DNM1L: variants seen among roughly 807,000 people sequenced by gnomAD.
The protein encoded by DNM1L is dynamin-1-like protein.
DNM1L carries 33 observed loss-of-function variants against 92.8 expected under a neutral mutation model. That is an observed-to-expected ratio of 0.36 (90% CI 0.27 to 0.48). The LOEUF (loss-of-function observed/expected upper bound fraction) is 0.48. Ranked by LOEUF, DNM1L falls within the 20% of genes least tolerant of loss-of-function variation. DNM1L has a pLI of 0.99. For synonymous variants in DNM1L, 284 were observed against 305.0 expected (o/e 0.93, Z 0.72); for missense variants, 485 against 888.8 (o/e 0.55, Z 5.78).
chr12:32,715,562 A>T (rs1334550664), intron 6 of DNM1L, among the ~76,000 whole-genome samples: 1 of 151,892 alleles, frequency 6.6e-6, no homozygotes, highest in African/African-American at 2.4e-5. Flanking sequence ...GTGAAACCCC[A>T]TCTCTCTAAA....
In DNM1L at chr12:32,731,863, C is replaced by T. The variant is rs929544837; in HGVS notation, c.1366C>T (p.Arg456Ter). ...CATCTACCATTTGTAGGAATTGTTA[C>T]GATTTCCTAAACTTCATGATGCCAT... Reference protein sequence around the residue: ...CSNYSTQELLRFPKLHDAIVE... With the variant: ...CSNYSTQELL The change falls in exon 12 of 20, where the codon CGA becomes TGA. Residue 456 changes from arginine to a stop codon, truncating the protein, a stop_gained. Coordinates refer to ENST00000549701, the MANE Select transcript of DNM1L (RefSeq NM_012062.5). LOFTEE classifies it high-confidence loss of function. The surrounding 1 kb of genome is among the most constrained non-coding windows in gnomAD (Gnocchi z 5.1). 2 of 1,611,946 alleles carry T rather than the reference C, an allele frequency of 1.2e-6. No homozygotes were observed. Among genetic ancestry groups the T allele is most frequent in the Non-Finnish European group, 1.7e-6 (2 of 1,178,600 alleles).
At chr12:32,738,372 G>A in intron 16 of DNM1L, 76 bp downstream of exon 16, 1 of 1,500,718 alleles carries the variant, frequency 6.7e-7, no homozygotes, top group Non-Finnish European at 9.3e-7. Flanking sequence ...CACCATTAAA[G>A]AACCTGTTTG....
intron 2 of DNM1L, among the ~76,000 whole-genome samples, chr12:32,705,000 GTTTT>G (rs35375744): frequency 1.7e-5 from 2 of 118,876 alleles, no homozygotes; most frequent in Admixed American, 8.9e-5. Flanking sequence ...CTCAGGCAAA[GTTTT>G]TTTTTTTTTT....
At chr12:32,729,811 T>G (rs968108796) in intron 9 of DNM1L, among the ~76,000 whole-genome samples, 3 of 152,210 alleles carry the variant, frequency 2.0e-5, no homozygotes, top group Non-Finnish European at 4.4e-5. Context: ...TCATATAAAT[T>G]GAATCATTCA....
intron 9 of DNM1L, chr12:32,727,306 G>C (rs1027175145): frequency 4.0e-6 from 4 of 988,396 alleles, no homozygotes; most frequent in Non-Finnish European, 6.6e-6. Flanking sequence ...CCTTTAACTT[G>C]CAGGTTTTTG....
intron 6 of DNM1L, among the ~76,000 whole-genome samples, chr12:32,715,009 A>G (rs562942088): frequency 2.6e-5 from 4 of 152,168 alleles, no homozygotes; most frequent in African/African-American, 9.6e-5. Flanking sequence ...AAAACAAACA[A>G]AAACCTGTTA....
In DNM1L at chr12:32,718,144, GTA is replaced by G. The variant is rs927057805; in HGVS notation, c.620-487_620-486del. Among the ~76,000 whole-genome samples the G allele has an allele frequency of 1.5e-4, 20 of 134,810 alleles. No individual in the cohort carries two copies. The East Asian group carries it at 3.9e-3, about 26-fold the overall frequency. The allele number at this position is 134,810 out of a possible 152,430, so 88.4% of individuals were successfully genotyped here. ...ATAGTATATATATTTTATATGTATAGTATATATATATATTTTAGATGGAGTCC... is the reference window on the plus strand; with the variant it reads ...ATAGTATATATATTTTATATGTATAGTATATATATATTTTAGATGGAGTCC... On this transcript the variant is annotated intron_variant, in intron 6 of 19. Transcript: ENST00000549701.
chr12:32,679,847 G>T, intron 1 of DNM1L: 1 of 998,386 alleles, frequency 1.0e-6, no homozygotes, highest in Middle Eastern at 5.0e-4. Flanking sequence ...CGGGGCACTC[G>T]GGTCTCGCTG....
rs1412594768 is a variant in DNM1L, at chr12:32,740,214, G to A, written c.1858G>A (p.Gly620Ser). ...AATTATGCCAGCCAGTCCACAAAAA[G>A]GTCATGCCGTGAACCTGCTAGATGT... ...IPIMPASPQK[G>S]HAVNLLDVPV... The change falls in exon 17 of 20, where the codon GGT (glycine) becomes AGT (serine). Residue 620 changes from glycine (G) to serine (S), a missense_variant. Gly to Ser is a moderately conservative substitution (Grantham distance 56). Transcript: ENST00000549701. 1.9e-6 allele frequency: 3 copies of A among 1,614,080 alleles called. No individual in the cohort carries two copies. Among genetic ancestry groups the A allele is most frequent in the Non-Finnish European group, 2.5e-6 (3 of 1,179,998 alleles).
In DNM1L at chr12:32,731,337, C is replaced by G. The variant is rs369540120; in HGVS notation, c.1201-19C>G. ...TGAAATTACATATATAATAAGAGTT[C>G]TAAGTTTTATTTTCTCAGGGTCCTC... On this transcript the variant is annotated intron_variant, in intron 10 of 19. Transcript: ENST00000549701. This position sits in a 1 kb window ranked among gnomAD's most constrained non-coding sequence, Gnocchi z 5.1. 6 of 1,613,898 alleles carry G rather than the reference C, an allele frequency of 3.7e-6. No individual in the cohort carries two copies. The highest frequency in any genetic ancestry group is 3.4e-6 in the Non-Finnish European group (4 of 1,179,984).
At chr12:32,730,980 A>C (rs1473336822) in intron 9 of DNM1L, 34 bp from the exon 10 acceptor site, 2 of 1,612,538 alleles carry the variant, frequency 1.2e-6, no homozygotes, top group Non-Finnish European at 1.7e-6. Flanking sequence ...CCCTTTTTGC[A>C]ATGCCAGAAA....
At chr12:32,724,115 TAC>T (rs1953949385) in intron 9 of DNM1L, among the ~76,000 whole-genome samples, 1 of 152,240 alleles carries the variant, frequency 6.6e-6, no homozygotes, top group Non-Finnish European at 1.5e-5. Context: ...AATGTGGCAC[TAC>T]AGTCTGAAAT....
intron 1 of DNM1L, among the ~76,000 whole-genome samples, chr12:32,681,643 C>G (rs1246949708): frequency 1.5e-5 from 2 of 132,642 alleles, no homozygotes; most frequent in Non-Finnish European, 3.1e-5. Flanking sequence ...AAACAAGAAT[C>G]TCTTCTTGGT....
intron 6 of DNM1L, among the ~76,000 whole-genome samples, chr12:32,717,448 A>G (rs1224921057): frequency 1.0e-5 from 1 of 97,982 alleles, no homozygotes; most frequent in African/African-American, 4.6e-5. Context: ...TTAAATATAT[A>G]CTATATATAT....
At chr12:32,691,736 T>A (rs7969209) in intron 1 of DNM1L, among the ~76,000 whole-genome samples, 23,365 of 151,860 alleles carry the variant, frequency 0.15, 1,899 homozygotes, top group Middle Eastern at 0.21. Context: ...TGAAGGTGAG[T>A]GCTAAGAGAG....
At chr12:32,710,601 A>G (rs1358620201) in intron 4 of DNM1L, among the ~76,000 whole-genome samples, 3 of 150,274 alleles carry the variant, frequency 2.0e-5, no homozygotes, top group African/African-American at 7.4e-5. Context: ...CCTGTGTGAC[A>G]GAGTGAGACC....
intron 1 of DNM1L, 130 bp from the exon 2 acceptor site, chr12:32,701,285 A>C: frequency 1.2e-6 from 1 of 850,354 alleles, no homozygotes; most frequent in East Asian, 2.8e-5. Context: ...TCAAAAAAAA[A>C]AAAAAATAGT....
intron 9 of DNM1L, 57 bp downstream of exon 9, chr12:32,722,690 T>G: frequency 7.4e-7 from 1 of 1,353,098 alleles, no homozygotes; most frequent in Non-Finnish European, 1.0e-6. Flanking sequence ...TCACTTTTCC[T>G]TTTGTGAAGA....
intron 9 of DNM1L, among the ~76,000 whole-genome samples, chr12:32,729,450 A>T (rs947682943): frequency 6.6e-6 from 1 of 151,954 alleles, no homozygotes; most frequent in Non-Finnish European, 1.5e-5. Context: ...CTCTAATTTA[A>T]TTAATTAATT....
Sources: gnomAD v4.1 joint callset for allele counts (sites outside exome capture counted in the v4.1 genomes callset) on GRCh38, gnomAD v4.1.1 for gene constraint, Gnocchi (gnomAD v3.1) non-coding constraint, MANE v1.5 for transcripts, NCBI Gene and HGNC (gene_info 2026-07-23, HGNC 2026-07-21) for gene names.